The following GTF2IRD1 variants were observed in gnomAD, a reference collection of about 807,000 sequenced individuals.
GTF2IRD1 encodes general transcription factor II-I repeat domain-containing protein 1.
GTF2IRD1 carries 26 observed loss-of-function variants against 113.2 expected under a neutral mutation model. That is an observed-to-expected ratio of 0.23 (90% CI 0.17 to 0.32). The LOEUF (loss-of-function observed/expected upper bound fraction) is 0.32. GTF2IRD1 is among the 10% of genes least tolerant of loss of function. The pLI is 1.00. For synonymous variants in GTF2IRD1, 484 were observed against 529.1 expected (o/e 0.91, Z 1.17); for missense variants, 864 against 1,280.8 (o/e 0.67, Z 4.97).
In GTF2IRD1 at chr7:74,499,419, GGA is replaced by G. The variant is rs1554338880; in HGVS notation, c.-6-8655_-6-8654del. 1.5e-3 allele frequency among the ~76,000 whole-genome samples: 233 copies of G among 151,780 alleles called. 1 individual carries two copies. Among genetic ancestry groups the G allele is most frequent in the South Asian group, 5.8e-3 (28 of 4,800 alleles). Reference sequence around the variant, plus strand: ...GGGAGGAAGGGAAGGAAGGAAGGAAGGAAGAGAAGGGAGTGGGGGAGGGAGAG... The same window carrying G: ...GGGAGGAAGGGAAGGAAGGAAGGAAGAGAGAAGGGAGTGGGGGAGGGAGAG... On this transcript the variant is annotated intron_variant, in intron 1 of 26. Coordinates refer to ENST00000424337, the MANE Select transcript of GTF2IRD1 (RefSeq NM_005685.4).
chr7:74,501,604 G>A (rs1018425954), intron 1 of GTF2IRD1, among the ~76,000 whole-genome samples: 4 of 152,116 alleles, frequency 2.6e-5, no homozygotes, highest in Admixed American at 2.6e-4. Context: ...TCTGTGAAGG[G>A]CATCTAAGGT....
chr7:74,471,789 T>C (rs532913415), intron 1 of GTF2IRD1, among the ~76,000 whole-genome samples: 9 of 151,098 alleles, frequency 6.0e-5, no homozygotes, highest in African/African-American at 1.5e-4. Flanking sequence ...GTCAGGAGAT[T>C]GAGACCATCC....
intron 14 of GTF2IRD1, among the ~76,000 whole-genome samples, chr7:74,541,493 G>T (rs1798634295): frequency 6.6e-6 from 1 of 152,146 alleles, no homozygotes. Flanking sequence ...GGGTGTGGTG[G>T]TGCGTGCCTG....
At chr7:74,456,283 C>T (rs1332024632) in intron 1 of GTF2IRD1, among the ~76,000 whole-genome samples, 2 of 152,156 alleles carry the variant, frequency 1.3e-5, no homozygotes, top group Non-Finnish European at 2.9e-5. Context: ...TGGCTTGGGA[C>T]ATTCACGTCC....
intron 1 of GTF2IRD1, among the ~76,000 whole-genome samples, chr7:74,478,883 C>CT (rs1554334006): frequency 6.7e-6 from 1 of 149,898 alleles, no homozygotes. Context: ...GTAGCTGGGA[C>CT]TACAGGCACA....
intron 1 of GTF2IRD1, among the ~76,000 whole-genome samples, chr7:74,482,477 C>T (rs1187550790): frequency 6.6e-6 from 1 of 152,114 alleles, no homozygotes; most frequent in African/African-American, 2.4e-5. Flanking sequence ...GTCCTCCTGC[C>T]TCAGCCTCCC....
At chr7:74,474,696 G>C (rs531746957) in intron 1 of GTF2IRD1, among the ~76,000 whole-genome samples, 4 of 152,180 alleles carry the variant, frequency 2.6e-5, no homozygotes, top group Non-Finnish European at 5.9e-5. Context: ...GTGTTGCTGA[G>C]GTGGGTTGCG....
At chr7:74,507,757 C>T in intron 1 of GTF2IRD1, 1 of 276,706 alleles carries the variant, frequency 3.6e-6, no homozygotes, top group Non-Finnish European at 6.9e-6. Context: ...CGAGGGAGGG[C>T]TGTGGCCAGA....
intron 1 of GTF2IRD1, among the ~76,000 whole-genome samples, chr7:74,470,468 C>T (rs1234703370): frequency 6.6e-6 from 1 of 152,154 alleles, no homozygotes; most frequent in Non-Finnish European, 1.5e-5. Flanking sequence ...TAATGGTTGT[C>T]TCTCTGGGTT....
chr7:74,560,493 A>G (rs1460087175), intron 22 of GTF2IRD1, among the ~76,000 whole-genome samples: 1 of 147,314 alleles, frequency 6.8e-6, no homozygotes, highest in East Asian at 1.9e-4. Context: ...TATATATAAT[A>G]AAAATATTAT....
intron 19 of GTF2IRD1, 128 bp from the exon 20 acceptor site, chr7:74,557,511 G>A: frequency 3.2e-6 from 2 of 626,222 alleles, no homozygotes; most frequent in South Asian, 4.0e-5. Flanking sequence ...GACCTGAGGG[G>A]CCCACTCCAA....
chr7:74,492,326 A>G (rs1196142885), intron 1 of GTF2IRD1, among the ~76,000 whole-genome samples: 2 of 152,016 alleles, frequency 1.3e-5, no homozygotes, highest in Admixed American at 1.3e-4. Flanking sequence ...GCCTGCCACC[A>G]CGCCTGGCTA....
chr7:74,455,249 C>T (rs2116830002), intron 1 of GTF2IRD1, among the ~76,000 whole-genome samples: 1 of 152,336 alleles, frequency 6.6e-6, no homozygotes, highest in South Asian at 2.1e-4. Context: ...CAAGGGGTAC[C>T]CCGGGATGGC....
chr7:74,587,164 G>A (rs1159823477), intron 22 of GTF2IRD1, among the ~76,000 whole-genome samples: 7 of 151,978 alleles, frequency 4.6e-5, no homozygotes, highest in African/African-American at 1.7e-4. Flanking sequence ...CAGGAGTCAG[G>A]CTGGGCACAG....
Position 74,512,813 on chromosome 7 carries a change from G to A in GTF2IRD1, c.124-17G>A. 1 of 1,612,854 alleles carries A rather than the reference G, an allele frequency of 6.2e-7. No individual in the cohort carries two copies. Among genetic ancestry groups the A allele is most frequent in the Non-Finnish European group, 8.5e-7 (1 of 1,179,510 alleles). ...TATGGGGAGCCCTTCCGCTCACACA[G>A]CCTGCCCTTCCCACAGTGCTCAGCG... On this transcript the variant is annotated splice_polypyrimidine_tract_variant and intron_variant, in intron 2 of 26. Coordinates refer to ENST00000424337, the MANE Select transcript of GTF2IRD1 (RefSeq NM_005685.4). This position sits in a 1 kb window ranked among gnomAD's most constrained non-coding sequence, Gnocchi z 4.4.
At chr7:74,460,615 G>A (rs1554328891) in intron 1 of GTF2IRD1, among the ~76,000 whole-genome samples, 1 of 152,046 alleles carries the variant, frequency 6.6e-6, no homozygotes, top group Non-Finnish European at 1.5e-5. Context: ...CATGGAGGGT[G>A]TAGTCTAGGT....
chr7:74,490,772 G>A (rs1311525161), intron 1 of GTF2IRD1, among the ~76,000 whole-genome samples: 1 of 151,746 alleles, frequency 6.6e-6, no homozygotes, highest in African/African-American at 2.4e-5. Flanking sequence ...TCACAGAGAC[G>A]CTTCTCTGGT....
At chr7:74,464,614 A>C (rs1352563862) in intron 1 of GTF2IRD1, among the ~76,000 whole-genome samples, 1 of 151,578 alleles carries the variant, frequency 6.6e-6, no homozygotes, top group East Asian at 1.9e-4. Flanking sequence ...CACCCGGCTA[A>C]TTTTTGTGTT....
At chr7:74,572,392 C>A (rs1160179166) in intron 22 of GTF2IRD1, among the ~76,000 whole-genome samples, 4 of 152,120 alleles carry the variant, frequency 2.6e-5, no homozygotes, top group Non-Finnish European at 4.4e-5. Context: ...TACCTGTGAT[C>A]TTGGATAAGT....
Sources: allele counts gnomAD v4.1 joint callset (sites outside exome capture counted in the v4.1 genomes callset), GRCh38; gene constraint gnomAD v4.1.1; non-coding constraint Gnocchi (gnomAD v3.1); transcripts MANE v1.5; gene names NCBI Gene and HGNC (gene_info 2026-07-23, HGNC 2026-07-21).